Variants in VWF observed in about 807,000 individuals in gnomAD.
VWF encodes the protein von Willebrand factor, also known as Factor VIII related antigen.
In VWF, 176 loss-of-function variants were observed where a neutral mutation model predicts 308.6. The ratio of observed to expected loss-of-function variants is 0.57; its 90% confidence interval spans 0.50 to 0.65. The LOEUF is 0.65. Ranked by LOEUF, VWF falls within the 30% of genes least tolerant of loss-of-function variation. VWF has a pLI of 0.00. For synonymous variants in VWF, 1,385 were observed against 1,443.4 expected, an observed-to-expected ratio of 0.96 and a Z score of 0.92; for missense variants, 3,146 against 3,648.2, an observed-to-expected ratio of 0.86 and a Z score of 3.55.
rs771413750 is a variant in VWF at position 6,072,374 on chromosome 12, G to A, written c.1066C>T (p.Arg356Cys). 9.9e-6 allele frequency: 16 copies of A among 1,613,948 alleles called. No individual in the cohort carries two copies. In the Admixed American group the frequency reaches 1.0e-4, roughly 10 times the overall value. ...TECPCVHSGKRYPPGTSLSRD... is the reference protein window; with the variant it reads ...TECPCVHSGKCYPPGTSLSRD... ...GAGAGGGAGGTGCCGGGAGGGTAGC[G>A]CTTTCCGGAATGCACGCAGGGACAC... is the stretch of plus-strand genomic sequence containing the variant. The change falls in exon 9 of 52, where the codon CGC (arginine) becomes TGC (cysteine). Residue 356 changes from arginine to cysteine, a missense_variant. By Grantham distance (180) the Arg-to-Cys change is radical (BLOSUM62 -3). Around this residue, in one of 3 missense-constraint regions of VWF, gnomAD observed 1,304 missense variants for 1,353.0 expected, o/e 0.96. Coordinates refer to ENST00000261405, the MANE Select transcript of VWF (RefSeq NM_000552.5).
chr12:6,071,426 T>C, intron 9 of VWF, 83 bp from the exon 10 acceptor site: 3 of 1,482,562 alleles, frequency 2.0e-6, no homozygotes, highest in South Asian at 1.1e-5. Context: ...ATGGTAGTTA[T>C]CACAGTCCCC....
rs79275181 is a variant in VWF, at chr12:6,018,369, T to C, written c.5049A>G (p.Ala1683=). Residue 1683 remains alanine (A), a synonymous_variant, in exon 28 of 52, where the codon GCA becomes GCG. Coordinates refer to ENST00000261405, the MANE Select transcript of VWF (RefSeq NM_000552.5). ...EGLQIPTLSP[A]PDCSQPLDVI... is the part of the protein sequence containing the mutation. ...GCACACAAGGTGCCAGCATACCAGG[T>C]GCAGGGGAGAGGGTGGGGATCTGCA... is the stretch of plus-strand genomic sequence containing the variant. 7.2e-7 allele frequency: 1 copy of C among 1,381,860 alleles called. No homozygotes were observed. Among genetic ancestry groups the C allele is most frequent in the South Asian group, 1.3e-5 (1 of 77,682 alleles). 85.6% of individuals were successfully genotyped at this position (1,381,860 alleles called of 1,614,324 possible). A position where few individuals can be genotyped will look rare whatever the true frequency, so the allele number is the denominator to read the frequency against.
intron 16 of VWF, among the ~76,000 whole-genome samples, chr12:6,050,973 G>A (rs2136447604): frequency 6.7e-6 from 1 of 150,240 alleles, no homozygotes; most frequent in African/African-American, 2.4e-5. Context: ...AAAAAAAGAA[G>A]TGAACATGGA....
intron 3 of VWF, among the ~76,000 whole-genome samples, chr12:6,114,643 C>G (rs1163273138): frequency 6.6e-6 from 1 of 152,184 alleles, no homozygotes; most frequent in East Asian, 1.9e-4. Context: ...TGATGAAGAG[C>G]TGGGACTCAA....
At chr12:5,975,915 C>T (rs2136363046) in intron 43 of VWF, among the ~76,000 whole-genome samples, 196 bp downstream of exon 43, 1 of 152,314 alleles carries the variant, frequency 6.6e-6, no homozygotes, top group Non-Finnish European at 1.5e-5. Flanking sequence ...CACTAAAGAA[C>T]CTTTCTTGCC....
In VWF at chr12:5,969,253, G is replaced by C. The variant is rs1407559775; in HGVS notation, c.7687C>G (p.Leu2563Val). The C allele has an allele frequency of 1.2e-6, 2 of 1,614,050 alleles. No individual in the cohort carries two copies. The highest frequency in any genetic ancestry group is 1.7e-6 in the Non-Finnish European group (2 of 1,180,026). Residue 2563 changes from leucine to valine, a missense_variant, in exon 45 of 52, where the codon CTG becomes GTG. This residue lies in a region of VWF where 989 missense variants were observed against 1,117.4 expected (regional missense o/e 0.89). Coordinates refer to ENST00000261405, the MANE Select transcript of VWF (RefSeq NM_000552.5). ...CAGCACGCTGAGGTCTTACAGCTCA[G>C]CTGAAAGCCCGAGGGGCAGACAGGG... The part of the protein sequence containing the change: ...EVPVCPSGFQ[L>V]SCKTSACCPS...
In VWF at chr12:6,110,935, G is replaced by A; in HGVS notation, c.254C>T (p.Ser85Phe). 1 of 1,614,132 alleles carries A rather than the reference G, an allele frequency of 6.2e-7. No homozygotes were observed. The highest frequency in any genetic ancestry group is 8.5e-7 in the Non-Finnish European group (1 of 1,180,026). Reference sequence around the variant, plus strand: ...GTCAAAAAATTCCCCAAGATACACGGAGAGGCTCACTCTCTTGCCATTCTG... The same window carrying A: ...GTCAAAAAATTCCCCAAGATACACGAAGAGGCTCACTCTCTTGCCATTCTG... ...DFQNGKRVSL[S>F]VYLGEFFDIH... Residue 85 changes from serine to phenylalanine, a missense_variant, in exon 4 of 52, where the codon TCC (serine) becomes TTC (phenylalanine). Coordinates refer to ENST00000261405, the MANE Select transcript of VWF (RefSeq NM_000552.5).
chr12:6,006,965 C>G (rs1943935879), intron 34 of VWF, among the ~76,000 whole-genome samples: 1 of 152,052 alleles, frequency 6.6e-6, no homozygotes, highest in Non-Finnish European at 1.5e-5. Context: ...AATTAAACTT[C>G]AAGTCAAAGA....
At chr12:5,965,302 G>T (rs1943389527) in intron 47 of VWF, among the ~76,000 whole-genome samples, 1 of 152,014 alleles carries the variant, frequency 6.6e-6, no homozygotes, top group Non-Finnish European at 1.5e-5. Flanking sequence ...ACCCCTCAGG[G>T]CCCCTTTCCA....
chr12:6,056,518 G>T (rs531365635), intron 15 of VWF, among the ~76,000 whole-genome samples: 5 of 152,110 alleles, frequency 3.3e-5, no homozygotes, highest in Non-Finnish European at 5.9e-5. Context: ...GGACCCATTC[G>T]CTCCACAGCC....
At chr12:5,994,704 C>T in intron 35 of VWF, 97 bp from the exon 36 acceptor site, 1 of 1,040,092 alleles carries the variant, frequency 9.6e-7, no homozygotes, top group African/African-American at 1.6e-5. Context: ...TCATCACACT[C>T]AACTGCAACA....
Position 6,075,201 on chromosome 12 carries a change from C to A in VWF, c.874+134G>T. On this transcript the variant is annotated intron_variant, in intron 7 of 51. Coordinates refer to ENST00000261405, the MANE Select transcript of VWF (RefSeq NM_000552.5). This position sits in a 1 kb window ranked among gnomAD's most constrained non-coding sequence, Gnocchi z 4.7. ...CAGGAAATGGGTCCGGGACACGTGGCTTTGTAGTCACTGGCTGGCTGGGTG... is the reference window on the plus strand; with the variant it reads ...CAGGAAATGGGTCCGGGACACGTGGATTTGTAGTCACTGGCTGGCTGGGTG... The A allele has an allele frequency of 8.7e-7, 1 of 1,155,848 alleles. No homozygotes were observed. The highest frequency in any genetic ancestry group is 1.3e-6 in the Non-Finnish European group (1 of 799,086). The allele number at this position is 1,155,848 out of a possible 1,614,324, so 71.6% of individuals were successfully genotyped here.
intron 34 of VWF, among the ~76,000 whole-genome samples, chr12:6,005,560 A>G (rs1332529444): frequency 1.3e-5 from 2 of 152,236 alleles, no homozygotes; most frequent in African/African-American, 4.8e-5. Context: ...AGTCCGCTAC[A>G]ACATATATTA....
intron 47 of VWF, among the ~76,000 whole-genome samples, chr12:5,961,673 G>A (rs2363309): frequency 0.51 from 77,167 of 150,182 alleles, 21,790 homozygotes; most frequent in African/African-American, 0.73. Flanking sequence ...TATAAAAACT[G>A]ATTTTATAAA....
intron 32 of VWF, among the ~76,000 whole-genome samples, chr12:6,012,802 C>T (rs185628239): frequency 6.6e-6 from 1 of 151,672 alleles, no homozygotes; most frequent in African/African-American, 2.4e-5. Flanking sequence ...CCCGGGTTCA[C>T]ACCATTCTCC....
At chr12:5,964,160 T>G (rs149546173) in intron 47 of VWF, among the ~76,000 whole-genome samples, 1,743 of 147,952 alleles carry the variant, frequency 0.012, 32 homozygotes, top group African/African-American at 0.041. Flanking sequence ...GGGCTTGCAG[T>G]GAGCCGAGAT....
chr12:6,083,986 A>G (rs750506040), intron 6 of VWF, among the ~76,000 whole-genome samples: 5 of 152,246 alleles, frequency 3.3e-5, no homozygotes, highest in Non-Finnish European at 7.3e-5. Flanking sequence ...GAAATAAGAC[A>G]GAGGGACCCT....
At chr12:6,055,690 C>T (rs190135350) in intron 15 of VWF, among the ~76,000 whole-genome samples, 1 of 151,236 alleles carries the variant, frequency 6.6e-6, no homozygotes, top group African/African-American at 2.4e-5. Context: ...AATATAGATG[C>T]TAATTCCTTT....
In VWF at chr12:6,019,444, G is replaced by A. The variant is rs538488005; in HGVS notation, c.3974C>T (p.Ser1325Phe). 1 of 1,613,918 alleles carries A rather than the reference G, an allele frequency of 6.2e-7. No individual in the cohort carries two copies. The highest frequency in any genetic ancestry group is 1.7e-5 in the Admixed American group (1 of 60,022). The change falls in exon 28 of 52, where the codon TCC becomes TTC. Residue 1325 changes from serine (S) to phenylalanine (F), a missense_variant. Ser to Phe is a radical substitution (Grantham distance 155). Around this residue, in one of 3 missense-constraint regions of VWF, gnomAD observed 853 missense variants for 1,177.8 expected, o/e 0.72. Transcript: ENST00000261405. The surrounding 1 kb of genome is among the most constrained non-coding windows in gnomAD (Gnocchi z 5.8). ...GTCCTTGAGCCCGATGTAGGCGTGG[G>A]AGCCGTCGTGGTACTCCACCACGGC... ...RVAVVEYHDG[S>F]HAYIGLKDRK...
Sources: allele counts gnomAD v4.1 joint callset (sites outside exome capture counted in the v4.1 genomes callset), GRCh38; gene constraint gnomAD v4.1.1; regional missense constraint gnomAD v4.1.1; non-coding constraint Gnocchi (gnomAD v3.1); transcripts MANE v1.5; gene names NCBI Gene and HGNC (gene_info 2026-07-23, HGNC 2026-07-21).